PIK3C2G: variants seen among roughly 807,000 people sequenced by gnomAD.
PIK3C2G encodes phosphatidylinositol-4-phosphate 3-kinase catalytic subunit type 2 gamma, also known as phosphatidylinositol 3-kinase C2 domain-containing subunit gamma.
PIK3C2G carries 168 observed loss-of-function variants against 181.1 expected under a neutral mutation model. That is an observed-to-expected ratio of 0.93 (90% CI 0.82 to 1.05). The LOEUF (loss-of-function observed/expected upper bound fraction) is 1.05. Among genes scored for constraint, PIK3C2G ranks in the 50% least tolerant of loss-of-function variants. PIK3C2G has a pLI of 0.00. For synonymous variants in PIK3C2G, 573 were observed against 592.2 expected, an observed-to-expected ratio of 0.97 and a Z score of 0.47; for missense variants, 1,869 against 1,732.8, an observed-to-expected ratio of 1.08 and a Z score of -1.40.
At chr12:18,575,817 T>A (rs913458293) in intron 29 of PIK3C2G, among the ~76,000 whole-genome samples, 1 of 152,220 alleles carries the variant, frequency 6.6e-6, no homozygotes, top group South Asian at 2.1e-4. Context: ...ACTATATTTA[T>A]CTCTATTTTT....
At chr12:18,557,903 A>C (rs190496161) in intron 26 of PIK3C2G, among the ~76,000 whole-genome samples, 1 of 152,322 alleles carries the variant, frequency 6.6e-6, no homozygotes, top group East Asian at 1.9e-4. Context: ...GAATGTCTTA[A>C]TACTACAGAG....
At chr12:18,537,044 A>AT (rs1476406749) in intron 24 of PIK3C2G, among the ~76,000 whole-genome samples, 1 of 151,968 alleles carries the variant, frequency 6.6e-6, no homozygotes, top group Non-Finnish European at 1.5e-5. Context: ...TATTTTAAAG[A>AT]TTTTGCCTGC....
intron 2 of PIK3C2G, among the ~76,000 whole-genome samples, chr12:18,283,691 T>A (rs991408143): frequency 3.9e-5 from 6 of 152,148 alleles, no homozygotes; most frequent in Admixed American, 3.9e-4. Context: ...TTCATTTGAA[T>A]TCACTTGCAA....
At chr12:18,604,026 A>T (rs139329791) in intron 30 of PIK3C2G, among the ~76,000 whole-genome samples, 1 of 152,336 alleles carries the variant, frequency 6.6e-6, no homozygotes, top group East Asian at 1.9e-4. Flanking sequence ...AGCATGATGA[A>T]TGCAATGGTA....
At chr12:18,533,941 CTTTTTTTTTTTTT>C (rs542327503) in intron 24 of PIK3C2G, among the ~76,000 whole-genome samples, 1 of 91,484 alleles carries the variant, frequency 1.1e-5, no homozygotes, top group African/African-American at 4.3e-5. Context: ...CCTGCTATTT[CTTTTTTTTTTTTT>C]TTTTTTTTTT....
chr12:18,428,192 A>G lies in PIK3C2G; in HGVS notation c.2504+4153A>G, dbSNP rs1307686645. ...TTAAAATATATCAGAGTTAAAAAATATAGCTCAAGCCAAGCATCATATTTA... is the reference window on the plus strand; with the variant it reads ...TTAAAATATATCAGAGTTAAAAAATGTAGCTCAAGCCAAGCATCATATTTA... On this transcript the variant is annotated intron_variant, in intron 18 of 32. Coordinates refer to ENST00000538779, the MANE Select transcript of PIK3C2G (RefSeq NM_001288772.2). 3.9e-5 allele frequency among the ~76,000 whole-genome samples: 6 copies of G among 152,106 alleles called. No homozygotes were observed. In the East Asian group the frequency reaches 9.7e-4, roughly 24 times the overall value.
Position 18,420,853 on chromosome 12 carries a change from G to A in PIK3C2G, c.2316-88G>A, listed in dbSNP as rs17847796. 1.4e-3 allele frequency: 991 copies of A among 720,354 alleles called. 17 individuals carry two copies. In the East Asian group the frequency reaches 0.021, roughly 15 times the overall value. The allele number at this position is 720,354 out of a possible 1,614,324, so 44.6% of individuals were successfully genotyped here. ...AATTGTTTTACCTTATGCACTGGGG[G>A]TAGAATTCATTCTCTGTTCTCCCTG... is the stretch of plus-strand genomic sequence containing the variant. On this transcript the variant is annotated intron_variant, in intron 16 of 32. Transcript: ENST00000538779.
At chr12:18,358,876 G>A (rs905050576) in intron 11 of PIK3C2G, 16 of 172,264 alleles carry the variant, frequency 9.3e-5, no homozygotes, top group African/African-American at 3.8e-4. Flanking sequence ...AGCCTTCTCA[G>A]GTTCCTCAGG....
intron 18 of PIK3C2G, among the ~76,000 whole-genome samples, chr12:18,448,946 G>C (rs1009898932): frequency 1.3e-5 from 2 of 151,764 alleles, no homozygotes; most frequent in Non-Finnish European, 2.9e-5. Flanking sequence ...TGCAATGAAT[G>C]TGAGACTGCA....
the PIK3C2G span, among the ~76,000 whole-genome samples, chr12:18,696,957 C>T: frequency 6.6e-6 from 1 of 152,138 alleles, no homozygotes; most frequent in Non-Finnish European, 1.5e-5. Flanking sequence ...CATACACACA[C>T]AGTCTATTTT....
chr12:18,542,140 G>A (rs1272925326), intron 25 of PIK3C2G, among the ~76,000 whole-genome samples: 1 of 151,776 alleles, frequency 6.6e-6, no homozygotes, highest in East Asian at 1.9e-4. Flanking sequence ...AGAGAAACTG[G>A]AATGCAATTC....
intron 16 of PIK3C2G, among the ~76,000 whole-genome samples, chr12:18,400,144 T>C (rs1944163863): frequency 2.0e-5 from 3 of 152,206 alleles, no homozygotes; most frequent in Admixed American, 2.0e-4. Context: ...TCCCTACTTC[T>C]TCTCTCAAAC....
intron 29 of PIK3C2G, among the ~76,000 whole-genome samples, chr12:18,580,585 G>A (rs531630096): frequency 6.5e-4 from 99 of 152,226 alleles, no homozygotes; most frequent in African/African-American, 2.3e-3. Context: ...GTAAAGCCAA[G>A]ATTACTTTAC....
At chr12:18,454,537 C>G (rs1947527610) in intron 18 of PIK3C2G, among the ~76,000 whole-genome samples, 1 of 152,032 alleles carries the variant, frequency 6.6e-6, no homozygotes, top group Admixed American at 6.6e-5. Context: ...CATGCAGGGT[C>G]TTGTGGTTTT....
chr12:18,553,465 A>G (rs1468783171), intron 26 of PIK3C2G, among the ~76,000 whole-genome samples: 1 of 152,064 alleles, frequency 6.6e-6, no homozygotes, highest in East Asian at 1.9e-4. Context: ...AAGGTAAAAG[A>G]ATGATCCACT....
intron 1 of PIK3C2G, among the ~76,000 whole-genome samples, chr12:18,270,268 CTA>C (rs1325384754): frequency 6.6e-6 from 1 of 152,046 alleles, no homozygotes; most frequent in Non-Finnish European, 1.5e-5. Flanking sequence ...ATTAATATCT[CTA>C]TTTTTATTAA....
At chr12:18,645,092 C>T (rs1950046535) in intron 32 of PIK3C2G, among the ~76,000 whole-genome samples, 1 of 151,940 alleles carries the variant, frequency 6.6e-6, no homozygotes, top group South Asian at 2.1e-4. Flanking sequence ...TAACTCATGC[C>T]TATAGGTAAA....
At chr12:18,533,828 T>G (rs1449868719) in intron 24 of PIK3C2G, among the ~76,000 whole-genome samples, 2 of 152,034 alleles carry the variant, frequency 1.3e-5, no homozygotes, top group African/African-American at 4.8e-5. Context: ...AAATGCTTAA[T>G]GATAATGATC....
At chr12:18,685,847 C>T in the PIK3C2G span, among the ~76,000 whole-genome samples, 2 of 49,912 alleles carry the variant, frequency 4.0e-5, no homozygotes, top group African/African-American at 2.4e-4. Flanking sequence ...CACACACGCG[C>T]ACACACACAC....
Sources: gnomAD v4.1 joint callset for allele counts (sites outside exome capture counted in the v4.1 genomes callset) on GRCh38, gnomAD v4.1.1 for gene constraint, MANE v1.5 for transcripts, NCBI Gene and HGNC (gene_info 2026-07-23, HGNC 2026-07-21) for gene names.